The following XPNPEP1 variants were observed in gnomAD, a reference collection of about 807,000 sequenced individuals.
The protein encoded by XPNPEP1 is X-prolyl aminopeptidase 1.
XPNPEP1 carries 39 observed loss-of-function variants against 92.4 expected under a neutral mutation model. That is an observed-to-expected ratio of 0.42 (90% confidence interval 0.33 to 0.55). XPNPEP1 has a LOEUF of 0.55. Ranked by LOEUF, XPNPEP1 falls within the 20% of genes least tolerant of loss-of-function variation. The pLI is 0.08. For synonymous variants in XPNPEP1, 307 were observed against 299.4 expected, an observed-to-expected ratio of 1.03 and a Z score of -0.26; for missense variants, 654 against 856.1, an observed-to-expected ratio of 0.76 and a Z score of 2.95.
intron 10 of XPNPEP1, among the ~76,000 whole-genome samples, 179 bp downstream of exon 10, chr10:109,882,253 C>T (rs1848139967): frequency 6.6e-6 from 1 of 152,156 alleles, no homozygotes; most frequent in Admixed American, 6.5e-5. Flanking sequence ...AAACACAAGA[C>T]TCAACAAGCA....
At chr10:109,913,492 T>C (rs1405270003) in intron 2 of XPNPEP1, among the ~76,000 whole-genome samples, 1 of 152,262 alleles carries the variant, frequency 6.6e-6, no homozygotes, top group Admixed American at 6.5e-5. Flanking sequence ...TTTGTTTCTC[T>C]GTTGCACAGC....
chr10:109,880,732 G>A, intron 11 of XPNPEP1, 110 bp downstream of exon 11: 1 of 1,027,556 alleles, frequency 9.7e-7, no homozygotes, highest in Non-Finnish European at 1.4e-6. Flanking sequence ...GGAGGCTGAG[G>A]CTCAGAGAGA....
intron 17 of XPNPEP1, among the ~76,000 whole-genome samples, chr10:109,871,485 T>C (rs971794384): frequency 5.3e-5 from 8 of 152,196 alleles, no homozygotes; most frequent in Non-Finnish European, 1.2e-4. Context: ...CAACTTCCAC[T>C]CAGGCCCTGT....
chr10:109,906,050 G>A (rs1339895026), intron 3 of XPNPEP1, among the ~76,000 whole-genome samples: 3 of 152,162 alleles, frequency 2.0e-5, no homozygotes, highest in African/African-American at 7.2e-5. Flanking sequence ...GACCTCTGGG[G>A]AGAGGCAGGA....
intron 14 of XPNPEP1, 77 bp from the exon 15 acceptor site, chr10:109,875,676 C>A: frequency 7.9e-7 from 1 of 1,259,848 alleles, no homozygotes. Context: ...CACACAAGAG[C>A]TCTTTGTACT....
At chr10:109,879,338 G>A (rs911508263) in intron 12 of XPNPEP1, among the ~76,000 whole-genome samples, 3 of 152,078 alleles carry the variant, frequency 2.0e-5, no homozygotes, top group East Asian at 3.9e-4. Context: ...TTGGGAGGCC[G>A]AGGTGGGTGG....
chr10:109,886,389 A>G (rs623980), intron 7 of XPNPEP1, 48 bp from the exon 8 acceptor site: 873,976 of 1,574,810 alleles, frequency 0.55, 251,906 homozygotes, highest in Non-Finnish European at 0.61. Flanking sequence ...CCCAGAAAGC[A>G]GTAGGAACCC....
intron 2 of XPNPEP1, among the ~76,000 whole-genome samples, chr10:109,909,659 A>G (rs1418110345): frequency 1.3e-5 from 2 of 152,254 alleles, no homozygotes; most frequent in Non-Finnish European, 2.9e-5. Context: ...TCTACATAAC[A>G]AAACAACTTC....
At chr10:109,891,406 T>C (rs186198223) in intron 5 of XPNPEP1, 61 of 202,238 alleles carry the variant, frequency 3.0e-4, no homozygotes, top group African/African-American at 1.4e-3. Flanking sequence ...CTCTGAATCA[T>C]GAGGCAGCAA....
chr10:109,882,178 AT>A (rs1441743664), intron 10 of XPNPEP1, among the ~76,000 whole-genome samples: 30 of 152,248 alleles, frequency 2.0e-4, no homozygotes, highest in Non-Finnish European at 2.9e-5. Flanking sequence ...TAAAACAGAT[AT>A]ATTTAAGCAA....
rs757852233 is a variant in XPNPEP1 at position 109,865,243 on chromosome 10, G to A, written c.1942C>T (p.Arg648Cys). 25 of 1,614,002 alleles carry A rather than the reference G, an allele frequency of 1.5e-5. No homozygotes were observed. The highest frequency in any genetic ancestry group is 6.7e-5 in the Admixed American group (4 of 59,992). Residue 648 changes from arginine to cysteine, a missense_variant, in exon 21 of 21, where the codon CGC (arginine) becomes TGC (cysteine). Arg to Cys is a radical substitution (Grantham distance 180). Transcript: ENST00000502935. ...VIGKELQKQG[R>C]QEALEWLIRE... Reference sequence around the variant, plus strand: ...ATGAGCCACTCGAGAGCTTCCTGGCGGCCCTGTTTCTGCAATTCCTTCCCA... The same window carrying A: ...ATGAGCCACTCGAGAGCTTCCTGGCAGCCCTGTTTCTGCAATTCCTTCCCA...
chr10:109,921,908 A>G (rs955187483), intron 1 of XPNPEP1, among the ~76,000 whole-genome samples: 3 of 152,210 alleles, frequency 2.0e-5, no homozygotes, highest in African/African-American at 7.2e-5. Flanking sequence ...GGAGGGCTCA[A>G]CTTCTCTGCT....
At chr10:109,920,247 G>T (rs1331872643) in intron 1 of XPNPEP1, among the ~76,000 whole-genome samples, 1 of 152,148 alleles carries the variant, frequency 6.6e-6, no homozygotes, top group Non-Finnish European at 1.5e-5. Flanking sequence ...ACTGATTACA[G>T]GTAACAGGAT....
intron 17 of XPNPEP1, 101 bp downstream of exon 17, chr10:109,871,691 C>T: frequency 7.4e-7 from 1 of 1,351,326 alleles, no homozygotes; most frequent in South Asian, 1.3e-5. Flanking sequence ...GGGATGGGGA[C>T]CTCACAGTGA....
At position 109,923,505 on chromosome 10, in the gene XPNPEP1, G is replaced by T; in HGVS notation, c.-72C>A. 8.0e-7 allele frequency: 1 copy of T among 1,245,220 alleles called. No individual in the cohort carries two copies. Among genetic ancestry groups the T allele is most frequent in the Non-Finnish European group, 1.0e-6 (1 of 991,564 alleles). The allele number at this position is 1,245,220 out of a possible 1,614,324, so 77.1% of individuals were successfully genotyped here. A position where few individuals can be genotyped will look rare whatever the true frequency, so the allele number is the denominator to read the frequency against. On this transcript the variant is annotated 5_prime_UTR_variant, in exon 1 of 21. Coordinates refer to ENST00000502935, the MANE Select transcript of XPNPEP1 (RefSeq NM_020383.4). Reference sequence around the variant, plus strand: ...TGATCACCCGCGGAAGGGCCGGCGCGAAGGAGGCGCGAGAGCCGGCGGGCG... The same window carrying T: ...TGATCACCCGCGGAAGGGCCGGCGCTAAGGAGGCGCGAGAGCCGGCGGGCG...
chr10:109,894,799 A>G (rs1589597735), intron 3 of XPNPEP1, among the ~76,000 whole-genome samples: 3 of 152,348 alleles, frequency 2.0e-5, no homozygotes, highest in African/African-American at 7.2e-5. Flanking sequence ...TGCAACAGCA[A>G]GCACGTTTTA....
At chr10:109,923,263 G>A (rs1850658594) in intron 1 of XPNPEP1, 139 bp downstream of exon 1, 3 of 1,188,980 alleles carry the variant, frequency 2.5e-6, no homozygotes, top group Non-Finnish European at 3.1e-6. Context: ...CCGGGGCTCC[G>A]GCGAGCGCGG....
Position 109,873,391 on chromosome 10 carries a change from A to C in XPNPEP1, c.1428T>G (p.Phe476Leu), listed in dbSNP as rs1368066206. 6.2e-7 allele frequency: 1 copy of C among 1,614,158 alleles called. No individual in the cohort carries two copies. Among genetic ancestry groups the C allele is most frequent in the Non-Finnish European group, 8.5e-7 (1 of 1,180,026 alleles). ...GTTDVTRTMH[F>L]GTPTAYEKEC... ...CCTTCTCGTAGGCTGTAGGGGTCCC[A>C]AAATGCATTGTCCGCGTCACATCTG... The change falls in exon 16 of 21, where the codon TTT (phenylalanine) becomes TTG (leucine). Residue 476 changes from phenylalanine to leucine, a missense_variant. Phe to Leu is a conservative substitution (Grantham distance 22). Transcript: ENST00000502935.
intron 15 of XPNPEP1, among the ~76,000 whole-genome samples, chr10:109,874,574 A>C (rs1847672325): frequency 6.6e-6 from 1 of 152,228 alleles, no homozygotes; most frequent in Non-Finnish European, 1.5e-5. Flanking sequence ...CATGGTTGCC[A>C]CGTAATTGGC....
Sources: gnomAD v4.1 joint callset for allele counts (sites outside exome capture counted in the v4.1 genomes callset) on GRCh38, gnomAD v4.1.1 for gene constraint, MANE v1.5 for transcripts, NCBI Gene and HGNC (gene_info 2026-07-23, HGNC 2026-07-21) for gene names.